Variants in PRAG1 observed in about 807,000 individuals in gnomAD.
PRAG1 encodes the protein inactive tyrosine-protein kinase PRAG1.
Under a neutral mutation model 95.6 loss-of-function variants are expected in PRAG1, and 110 were observed. The ratio of observed to expected loss-of-function variants is 1.15; its 90% confidence interval spans 0.99 to 1.35. The LOEUF is 1.35. Ranked by LOEUF, PRAG1 falls within the 40% of genes most tolerant of loss-of-function variation. The pLI, the probability that PRAG1 is intolerant of heterozygous loss-of-function variation, is 0.00. For synonymous variants in PRAG1, 1,052 were observed against 819.4 expected (o/e 1.28, Z -4.85); for missense variants, 2,554 against 1,864.7 (o/e 1.37, Z -6.81).
At chr8:8,374,953 T>C (rs1014601992) in intron 3 of PRAG1, among the ~76,000 whole-genome samples, 3 of 152,168 alleles carry the variant, frequency 2.0e-5, no homozygotes, top group African/African-American at 7.2e-5. Context: ...AGAAAGTCTG[T>C]TCAGAAACGC....
Position 8,376,953 on chromosome 8 carries a change from G to T in PRAG1, c.1456C>A (p.Arg486=), listed in dbSNP as rs145308965. 172 of 1,613,502 alleles carry T rather than the reference G, an allele frequency of 1.1e-4. No individual in the cohort carries two copies. The highest frequency in any genetic ancestry group is 9.3e-4 in the Admixed American group (56 of 60,028). ...VMAAHPEEDH[R]TIYLSSPDSA... ...TCAGGGCTGCTCAGGTAGATCGTCCGATGGTCCTCTTCCGGGTGGGCCGCC... is the reference window on the plus strand; with the variant it reads ...TCAGGGCTGCTCAGGTAGATCGTCCTATGGTCCTCTTCCGGGTGGGCCGCC... Residue 486 remains arginine (R), a synonymous_variant, in exon 3 of 6, where the codon CGG becomes AGG. Coordinates refer to ENST00000615670, the MANE Select transcript of PRAG1 (RefSeq NM_001080826.3).
intron 1 of PRAG1, among the ~76,000 whole-genome samples, chr8:8,384,072 G>A (rs976412754): frequency 6.6e-6 from 1 of 152,142 alleles, no homozygotes; most frequent in East Asian, 1.9e-4. Context: ...TTGGAAACCA[G>A]CTCTGTGTGG....
At chr8:8,344,212 C>A (rs1799261491) in intron 3 of PRAG1, among the ~76,000 whole-genome samples, 1 of 152,060 alleles carries the variant, frequency 6.6e-6, no homozygotes, top group Non-Finnish European at 1.5e-5. Context: ...TAGCAAATAA[C>A]CTTCTAAACT....
chr8:8,331,166 C>T (rs1798807751), intron 4 of PRAG1, among the ~76,000 whole-genome samples: 1 of 152,184 alleles, frequency 6.6e-6, no homozygotes, highest in Non-Finnish European at 1.5e-5. Context: ...GGTCAGGATT[C>T]CTTCCCATCC....
At chr8:8,323,321 C>CT (rs36045122) in intron 5 of PRAG1, among the ~76,000 whole-genome samples, 69,753 of 138,006 alleles carry the variant, frequency 0.51, 18,387 homozygotes, top group East Asian at 0.87. Context: ...TTTTCCCTCC[C>CT]TTTTTTTTTT....
In PRAG1 at chr8:8,328,342, G is replaced by C. The variant is rs1390184350; in HGVS notation, c.2440C>G (p.Pro814Ala). 1.1e-5 allele frequency: 17 copies of C among 1,613,492 alleles called. No individual in the cohort carries two copies. Among genetic ancestry groups the C allele is most frequent in the African/African-American group, 4.0e-5 (3 of 74,878 alleles). The change falls in exon 5 of 6, where the codon CCA becomes GCA. Residue 814 changes from proline to alanine, a missense_variant. Pro to Ala is a conservative substitution (Grantham distance 27). Transcript: ENST00000615670. ...CTCACTATCTTTTTCTGGGGGAGTG[G>C]AGGGGGCTGCTGGGGGCCACTGGGG... ...VSPSGPQQPPPLPQKKIVSRA... is the reference protein window; with the variant it reads ...VSPSGPQQPPALPQKKIVSRA...
rs1411957716 is a variant in PRAG1, at chr8:8,318,418, G to A, written c.3957C>T (p.Gly1319=). The change falls in exon 6 of 6, where the codon GGC becomes GGT. Residue 1319 remains glycine (G), a synonymous_variant. Transcript: ENST00000615670. The surrounding 1 kb of genome is among the most constrained non-coding windows in gnomAD (Gnocchi z 4.2). The part of the protein sequence containing the change: ...EADPIKRIRI[G]EAKRVLQCLL... The stretch of plus-strand genomic sequence containing the variant: ...GGCACTGCAGCACGCGCTTGGCCTC[G>A]CCGATGCGGATACGCTTGATGGGGT... 1.9e-6 allele frequency: 3 copies of A among 1,612,860 alleles called. No individual in the cohort carries two copies. The highest frequency in any genetic ancestry group is 2.2e-5 in the East Asian group (1 of 44,886).
chr8:8,341,237 C>T (rs1212697520), intron 3 of PRAG1, among the ~76,000 whole-genome samples: 2 of 152,112 alleles, frequency 1.3e-5, no homozygotes, highest in Admixed American at 6.5e-5. Context: ...CACAGCTTCC[C>T]ACTCCACAAA....
intron 2 of PRAG1, among the ~76,000 whole-genome samples, chr8:8,380,052 T>G (rs1287121454): frequency 2.0e-5 from 3 of 150,392 alleles, no homozygotes; most frequent in Admixed American, 6.6e-5. Flanking sequence ...ACCAGGAACT[T>G]AAGACCAGCC....
intron 3 of PRAG1, among the ~76,000 whole-genome samples, chr8:8,354,309 C>T (rs989330799): frequency 2.6e-5 from 4 of 151,770 alleles, no homozygotes; most frequent in African/African-American, 9.7e-5. Context: ...ACCCCAGGAC[C>T]AGATGGCTTC....
chr8:8,381,607 G>C lies in PRAG1; in HGVS notation c.141C>G (p.Pro47=). 1 of 1,613,920 alleles carries C rather than the reference G, an allele frequency of 6.2e-7. No individual in the cohort carries two copies. Among genetic ancestry groups the C allele is most frequent in the Non-Finnish European group, 8.5e-7 (1 of 1,179,888 alleles). Residue 47 remains proline, a synonymous_variant, in exon 2 of 6, where the codon CCC becomes CCG. Coordinates refer to ENST00000615670, the MANE Select transcript of PRAG1 (RefSeq NM_001080826.3). ...GGGGCAGGCTGCCCGCTCTGGGCTGGGGAGGGCCGGCCACCAGCTGGTGGT... is the reference window on the plus strand; with the variant it reads ...GGGGCAGGCTGCCCGCTCTGGGCTGCGGAGGGCCGGCCACCAGCTGGTGGT... The part of the protein sequence containing the change: ...RSDHQLVAGP[P]QPRAGSLPPP...
chr8:8,358,300 A>G (rs1346886964), intron 3 of PRAG1, among the ~76,000 whole-genome samples: 2 of 152,076 alleles, frequency 1.3e-5, no homozygotes, highest in African/African-American at 2.4e-5. Flanking sequence ...CTGACAAACC[A>G]CCCTCAAGGA....
intron 3 of PRAG1, 83 bp from the exon 4 acceptor site, chr8:8,339,718 T>G: frequency 7.1e-7 from 1 of 1,411,790 alleles, no homozygotes. Flanking sequence ...GAACTTACCA[T>G]GCTCTTGAAA....
chr8:8,368,088 T>C (rs1021674324), intron 3 of PRAG1, among the ~76,000 whole-genome samples: 1 of 152,226 alleles, frequency 6.6e-6, no homozygotes, highest in African/African-American at 2.4e-5. Flanking sequence ...TTTAGAAAAG[T>C]TATCATAGCA....
intron 3 of PRAG1, among the ~76,000 whole-genome samples, chr8:8,342,341 G>A (rs966919363): frequency 5.3e-5 from 8 of 151,148 alleles, no homozygotes; most frequent in African/African-American, 9.7e-5. Flanking sequence ...TACAGGAGGC[G>A]CCCACCACCA....
At chr8:8,333,787 T>G (rs1051490724) in intron 4 of PRAG1, among the ~76,000 whole-genome samples, 11 of 152,168 alleles carry the variant, frequency 7.2e-5, no homozygotes, top group African/African-American at 2.7e-4. Context: ...TCCCCAAACG[T>G]TTAGCTTTTG....
At chr8:8,326,030 C>T (rs1798626804) in intron 5 of PRAG1, among the ~76,000 whole-genome samples, 1 of 150,514 alleles carries the variant, frequency 6.6e-6, no homozygotes, top group Admixed American at 6.6e-5. Flanking sequence ...CAGTGTCTTC[C>T]ACCAGGCTTT....
Position 8,377,305 on chromosome 8 carries a change from G to A in PRAG1, c.1104C>T (p.Leu368=). Residue 368 remains leucine, a synonymous_variant, in exon 3 of 6, where the codon CTC becomes CTT. Transcript: ENST00000615670. Reference sequence around the variant, plus strand: ...GCTTCTCTGGGGCAGGTTCCTTCATGAGGGAGCAGTAATCACTCTCGAGGT... The same window carrying A: ...GCTTCTCTGGGGCAGGTTCCTTCATAAGGGAGCAGTAATCACTCTCGAGGT... The part of the protein sequence containing the change: ...VPHLESDYCS[L]MKEPAPEKQQ... 1 of 1,612,700 alleles carries A rather than the reference G, an allele frequency of 6.2e-7. No individual in the cohort carries two copies.
intron 3 of PRAG1, among the ~76,000 whole-genome samples, chr8:8,358,064 C>A (rs746394383): frequency 4.6e-5 from 7 of 152,194 alleles, no homozygotes; most frequent in Non-Finnish European, 8.8e-5. Flanking sequence ...CCCCCTACTT[C>A]CAATGCCAAT....
Sources: gnomAD v4.1 joint callset for allele counts (sites outside exome capture counted in the v4.1 genomes callset) on GRCh38, gnomAD v4.1.1 for gene constraint, Gnocchi (gnomAD v3.1) non-coding constraint, MANE v1.5 for transcripts, NCBI Gene and HGNC (gene_info 2026-07-23, HGNC 2026-07-21) for gene names.